Variants in BORCS5 observed in about 807,000 individuals in gnomAD.
BORCS5 encodes the protein BLOC-1-related complex subunit 5.
A neutral mutation model predicts 22.1 loss-of-function variants in BORCS5; 17 were observed. The observed-to-expected ratio is 0.77, with a 90% CI of 0.53 to 1.15. The LOEUF (loss-of-function observed/expected upper bound fraction) is 1.15. Among genes scored for constraint, BORCS5 ranks in the 50% most tolerant of loss-of-function variants. The pLI is 0.00. For synonymous variants in BORCS5, 117 were observed against 99.8 expected (o/e 1.17, Z -1.03); for missense variants, 247 against 253.2 (o/e 0.98, Z 0.17).
intron 3 of BORCS5, among the ~76,000 whole-genome samples, chr12:12,438,374 A>AAAACAAAAAACAAAAAAC (rs376358464): frequency 1.6e-5 from 2 of 125,046 alleles, no homozygotes; most frequent in Non-Finnish European, 3.1e-5. Context: ...AAAAAAAAAA[A>AAAACAAAAAACAAAAAAC]AAAAAACGAA....
chr12:12,466,364 T>G lies in BORCS5; in HGVS notation c.*588T>G, dbSNP rs1314632252. 1 of 152,280 alleles carries G rather than the reference T, an allele frequency of 6.6e-6. No homozygotes were observed. The highest frequency in any genetic ancestry group is 1.5e-5 in the Non-Finnish European group (1 of 68,100). 9.4% of individuals were successfully genotyped at this position (152,280 alleles called of 1,614,324 possible). ...GACTGTCAGGTTAGGTGTCCCTTAG[T>G]CGTCATCAGAAGCTGAAGCCTTCCT... On this transcript the variant is annotated 3_prime_UTR_variant, in exon 4 of 4. Coordinates refer to ENST00000314565, the MANE Select transcript of BORCS5 (RefSeq NM_058169.6).
At chr12:12,448,786 C>G (rs1366545561) in intron 3 of BORCS5, among the ~76,000 whole-genome samples, 1 of 152,184 alleles carries the variant, frequency 6.6e-6, no homozygotes, top group Non-Finnish European at 1.5e-5. Context: ...CTCAGACTCC[C>G]AAAGTGCTGG....
intron 2 of BORCS5, among the ~76,000 whole-genome samples, chr12:12,421,324 T>C (rs998633013): frequency 7.2e-5 from 11 of 152,192 alleles, no homozygotes; most frequent in African/African-American, 2.7e-4. Flanking sequence ...TTTTTTGTGG[T>C]CGGTTCTGTT....
At chr12:12,364,643 G>C (rs1401392513) in intron 2 of BORCS5, among the ~76,000 whole-genome samples, 1 of 152,142 alleles carries the variant, frequency 6.6e-6, no homozygotes, top group Non-Finnish European at 1.5e-5. Flanking sequence ...AGAAGACTTG[G>C]TGTTAAGGGA....
intron 2 of BORCS5, among the ~76,000 whole-genome samples, chr12:12,399,919 AAC>A (rs1274467057): frequency 9.2e-5 from 14 of 152,354 alleles, no homozygotes; most frequent in Admixed American, 7.8e-4. Flanking sequence ...TTCTGAAAAT[AAC>A]ACAGTGCTTT....
rs1943218030 is a variant in BORCS5, at chr12:12,467,187, G to T, written c.*1411G>T. 6.6e-6 allele frequency: 1 copy of T among 152,170 alleles called. No homozygotes were observed. The highest frequency in any genetic ancestry group is 2.1e-4 in the South Asian group (1 of 4,826). The allele number at this position is 152,170 out of a possible 1,614,324, so 9.4% of individuals were successfully genotyped here. ...CTTTCACCTAGATTGACAAAAAGTG[G>T]TATATTTAAGACATCACCATCATTG... On this transcript the variant is annotated 3_prime_UTR_variant, in exon 4 of 4. Coordinates refer to ENST00000314565, the MANE Select transcript of BORCS5 (RefSeq NM_058169.6).
intron 2 of BORCS5, among the ~76,000 whole-genome samples, chr12:12,374,520 C>T (rs560475471): frequency 6.6e-6 from 1 of 151,104 alleles, no homozygotes; most frequent in South Asian, 2.1e-4. Context: ...TGCACCTGTA[C>T]TCCCAGCTAC....
At chr12:12,378,675 T>TG (rs1357898461) in intron 2 of BORCS5, among the ~76,000 whole-genome samples, 2 of 151,242 alleles carry the variant, frequency 1.3e-5, no homozygotes, top group East Asian at 3.9e-4. Context: ...AGGATGTTAG[T>TG]GGGAAAAAAG....
intron 3 of BORCS5, 120 bp downstream of exon 3, chr12:12,435,905 C>A: frequency 5.1e-6 from 5 of 974,674 alleles, no homozygotes; most frequent in Non-Finnish European, 7.3e-6. Context: ...TTTTTCCCAG[C>A]AGTAAAATGT....
intron 1 of BORCS5, among the ~76,000 whole-genome samples, chr12:12,359,195 C>T (rs1319830153): frequency 1.3e-5 from 2 of 152,102 alleles, no homozygotes; most frequent in African/African-American, 4.8e-5. Context: ...CTCCAAATTT[C>T]TGATTTTTGC....
intron 3 of BORCS5, among the ~76,000 whole-genome samples, chr12:12,436,637 G>A (rs1942561193): frequency 1.1e-5 from 1 of 88,496 alleles, no homozygotes; most frequent in East Asian, 2.1e-4. Context: ...TAACTCTGGT[G>A]AGAGAAGATG....
intron 3 of BORCS5, among the ~76,000 whole-genome samples, chr12:12,438,475 G>A (rs10845543): frequency 6.6e-6 from 1 of 151,926 alleles, no homozygotes; most frequent in East Asian, 1.9e-4. Flanking sequence ...CTCTATATCA[G>A]AGAGCTGGGG....
chr12:12,449,114 G>A (rs1426719487), intron 3 of BORCS5, among the ~76,000 whole-genome samples: 1 of 152,176 alleles, frequency 6.6e-6, no homozygotes, highest in East Asian at 1.9e-4. Context: ...TGTCTCAGAG[G>A]ACTGTGGTGG....
In BORCS5 at chr12:12,382,534, C is replaced by A. The variant is rs796485247; in HGVS notation, c.202+21185C>A. ...CTTATGGTTCTATGATGGTATATAT[C>A]TTTTTTTTTTTTTTTTTTGAGACAA... On this transcript the variant is annotated intron_variant, in intron 2 of 3. Transcript: ENST00000314565. Among the ~76,000 whole-genome samples the A allele has an allele frequency of 3.5e-4, 46 of 132,486 alleles. 1 individual carries two copies. Among genetic ancestry groups the A allele is most frequent in the African/African-American group, 1.3e-3 (44 of 34,648 alleles). 86.9% of individuals were successfully genotyped at this position (132,486 alleles called of 152,430 possible).
At chr12:12,362,800 C>G (rs1863319851) in intron 2 of BORCS5, among the ~76,000 whole-genome samples, 1 of 151,552 alleles carries the variant, frequency 6.6e-6, no homozygotes, top group South Asian at 2.1e-4. Flanking sequence ...GCCACCACGC[C>G]AAGCTAAATG....
At chr12:12,423,950 A>G (rs1364259220) in intron 2 of BORCS5, among the ~76,000 whole-genome samples, 1 of 152,180 alleles carries the variant, frequency 6.6e-6, no homozygotes, top group Non-Finnish European at 1.5e-5. Context: ...TTGGCCTCCC[A>G]AAGTGCTGGG....
intron 2 of BORCS5, among the ~76,000 whole-genome samples, chr12:12,386,629 G>A (rs942579356): frequency 1.1e-4 from 9 of 79,994 alleles, no homozygotes; most frequent in South Asian, 9.3e-4. Context: ...CTACAGGCAC[G>A]TGCTAGTTTT....
chr12:12,427,422 G>T (rs563411098), intron 2 of BORCS5, among the ~76,000 whole-genome samples: 1 of 151,844 alleles, frequency 6.6e-6, no homozygotes, highest in East Asian at 1.9e-4. Context: ...CCTTGTGATG[G>T]GCCCGCCTCG....
Position 12,357,167 on chromosome 12 carries a change from T to A in BORCS5, c.-285T>A, listed in dbSNP as rs1266140484. 3.9e-6 allele frequency: 6 copies of A among 1,530,058 alleles called. No individual in the cohort carries two copies. Among genetic ancestry groups the A allele is most frequent in the Non-Finnish European group, 5.2e-6 (6 of 1,144,418 alleles). The allele number at this position is 1,530,058 out of a possible 1,614,324, so 94.8% of individuals were successfully genotyped here. On this transcript the variant is annotated 5_prime_UTR_variant, in exon 1 of 4. Transcript: ENST00000314565. ...CCGGCCGCAGGTGCGGCAAAGCCAGTGTCATCTGCCGGTTCTCTTAGGGCT... is the reference window on the plus strand; with the variant it reads ...CCGGCCGCAGGTGCGGCAAAGCCAGAGTCATCTGCCGGTTCTCTTAGGGCT...
Sources: allele counts gnomAD v4.1 joint callset (sites outside exome capture counted in the v4.1 genomes callset), GRCh38; gene constraint gnomAD v4.1.1; transcripts MANE v1.5; gene names NCBI Gene and HGNC (gene_info 2026-07-23, HGNC 2026-07-21).